TGM2: variants seen among roughly 807,000 people sequenced by gnomAD.
TGM2 encodes transglutaminase 2.
In TGM2, 53 loss-of-function variants were observed where a neutral mutation model predicts 75.6. That is an observed-to-expected ratio of 0.70 (90% CI 0.56 to 0.88). TGM2 has a LOEUF of 0.88. TGM2 is among the 40% of genes least tolerant of loss of function. TGM2 has a pLI of 0.00. For synonymous variants in TGM2, 374 were observed against 381.1 expected (o/e 0.98, Z 0.22); for missense variants, 842 against 928.5 (o/e 0.91, Z 1.21).
chr20:38,137,240 T>C (rs768308077), intron 10 of TGM2, among the ~76,000 whole-genome samples: 1 of 152,170 alleles, frequency 6.6e-6, no homozygotes, highest in East Asian at 1.9e-4. Context: ...ATCCCAGCAC[T>C]TTGGGAGGCC....
chr20:38,155,737 C>T, intron 3 of TGM2, 110 bp downstream of exon 3: 1 of 1,467,598 alleles, frequency 6.8e-7, no homozygotes. Flanking sequence ...ACTCAGTCCA[C>T]TTTGATGTGT....
intron 10 of TGM2, among the ~76,000 whole-genome samples, chr20:38,135,526 A>G (rs759768358): frequency 6.6e-6 from 1 of 150,928 alleles, no homozygotes; most frequent in Non-Finnish European, 1.5e-5. Flanking sequence ...TTGCTGGAGG[A>G]GAGGAATACC....
intron 6 of TGM2, among the ~76,000 whole-genome samples, chr20:38,142,632 C>A (rs1243498460): frequency 6.6e-6 from 1 of 152,222 alleles, no homozygotes; most frequent in Non-Finnish European, 1.5e-5. Context: ...TTGCTTGAAC[C>A]TGGGAGGCGG....
intron 2 of TGM2, among the ~76,000 whole-genome samples, chr20:38,159,012 G>C (rs930998224): frequency 6.6e-6 from 1 of 152,174 alleles, no homozygotes; most frequent in African/African-American, 2.4e-5. Context: ...GCCTACAGGG[G>C]CTGCGGAAGT....
In TGM2 at chr20:38,146,865, C is replaced by A. The variant is rs1485444058; in HGVS notation, c.711G>T (p.Leu237=). The change falls in exon 6 of 13, where the codon CTG becomes CTT. Residue 237 remains leucine, a synonymous_variant. Coordinates refer to ENST00000361475, the MANE Select transcript of TGM2 (RefSeq NM_004613.4). ...CGTAGTTGTTGTCCCAGCGTCCCAG[C>A]AGCACACCCTGGTCATCGTTGCAGT... ...MVNCNDDQGV[L]LGRWDNNYGD... is the part of the protein sequence containing the mutation. The A allele has an allele frequency of 6.2e-7, 1 of 1,613,766 alleles. No individual in the cohort carries two copies. The highest frequency in any genetic ancestry group is 1.3e-5 in the African/African-American group (1 of 74,932).
intron 10 of TGM2, among the ~76,000 whole-genome samples, chr20:38,133,934 A>G (rs1487343681): frequency 1.3e-5 from 2 of 152,162 alleles, no homozygotes; most frequent in African/African-American, 2.4e-5. Context: ...CAAGGGGGAA[A>G]AAAAGAGAGA....
At chr20:38,162,868 T>C (rs2075269821) in intron 1 of TGM2, among the ~76,000 whole-genome samples, 1 of 152,198 alleles carries the variant, frequency 6.6e-6, no homozygotes, top group Admixed American at 6.5e-5. Flanking sequence ...TCTGTCTATT[T>C]TTGTGTATGT....
rs1350744528 is a variant in TGM2, at chr20:38,128,674, T to C, written c.*1545A>G. 1 of 152,204 alleles carries C rather than the reference T, an allele frequency of 6.6e-6. No homozygotes were observed. Among genetic ancestry groups the C allele is most frequent in the Non-Finnish European group, 1.5e-5 (1 of 68,032 alleles). The allele number at this position is 152,204 out of a possible 1,614,324, so 9.4% of individuals were successfully genotyped here. On this transcript the variant is annotated 3_prime_UTR_variant, in exon 13 of 13. Coordinates refer to ENST00000361475, the MANE Select transcript of TGM2 (RefSeq NM_004613.4). ...CAACAGCATGATTCTCTCCAAGTCC[T>C]TCCCTGGGATTTGGGGGGCCCTGGA...
At chr20:38,149,350 T>C (rs1296311563) in intron 4 of TGM2, among the ~76,000 whole-genome samples, 8 of 152,236 alleles carry the variant, frequency 5.3e-5, no homozygotes, top group African/African-American at 1.7e-4. Context: ...GCAAAGGCCA[T>C]GTCCCACAGC....
chr20:38,141,238 T>A, intron 8 of TGM2, 44 bp downstream of exon 8: 1 of 1,493,896 alleles, frequency 6.7e-7, no homozygotes. Flanking sequence ...TCTCCAAGCC[T>A]CGTCTTCCCC....
At chr20:38,158,919 TC>T (rs900213732) in intron 2 of TGM2, among the ~76,000 whole-genome samples, 1 of 152,282 alleles carries the variant, frequency 6.6e-6, no homozygotes, top group Admixed American at 6.5e-5. Context: ...CTCAGGCTTC[TC>T]CGGGCCCCGG....
intron 4 of TGM2, among the ~76,000 whole-genome samples, chr20:38,149,329 C>T (rs952350034): frequency 1.3e-5 from 2 of 152,134 alleles, no homozygotes; most frequent in African/African-American, 2.4e-5. Flanking sequence ...GTGATCACCT[C>T]CAGAAGCTTT....
chr20:38,148,123 G>A (rs773264237), intron 4 of TGM2, 34 bp from the exon 5 acceptor site: 1 of 1,613,304 alleles, frequency 6.2e-7, no homozygotes, highest in Non-Finnish European at 8.5e-7. Flanking sequence ...GAAAGAGGGA[G>A]CTGGGAAGGC....
At chr20:38,153,833 T>G (rs895480511) in intron 3 of TGM2, among the ~76,000 whole-genome samples, 2 of 152,188 alleles carry the variant, frequency 1.3e-5, no homozygotes, top group Non-Finnish European at 2.9e-5. Flanking sequence ...TCCCCTTTTT[T>G]GGAGACAGAG....
chr20:38,149,299 A>G (rs2075085156), intron 4 of TGM2, among the ~76,000 whole-genome samples: 1 of 152,032 alleles, frequency 6.6e-6, no homozygotes, highest in African/African-American at 2.4e-5. Flanking sequence ...TCCTTCCTCT[A>G]GGTCTCATCT....
At chr20:38,164,596 CCT>C (rs2075290483) in intron 1 of TGM2, among the ~76,000 whole-genome samples, 1 of 152,100 alleles carries the variant, frequency 6.6e-6, no homozygotes, top group African/African-American at 2.4e-5. Context: ...TAAACCTTGT[CCT>C]ATAAAATAAG....
At position 38,128,415 on chromosome 20, in the gene TGM2, C is replaced by T. The variant is rs1378370069; in HGVS notation, c.*1804G>A. ...GGGGGTCCAGGTGTGAGCGAGCTCACCTACCCATCTCCCTCCAAACTCATA... is the reference window on the plus strand; with the variant it reads ...GGGGGTCCAGGTGTGAGCGAGCTCATCTACCCATCTCCCTCCAAACTCATA... On this transcript the variant is annotated 3_prime_UTR_variant, in exon 13 of 13. Coordinates refer to ENST00000361475, the MANE Select transcript of TGM2 (RefSeq NM_004613.4). 1 of 152,286 alleles carries T rather than the reference C, an allele frequency of 6.6e-6. No individual in the cohort carries two copies. The allele number at this position is 152,286 out of a possible 1,614,324, so 9.4% of individuals were successfully genotyped here.
At chr20:38,138,059 C>G (rs995453864) in intron 10 of TGM2, 54 bp downstream of exon 10, 2 of 1,534,348 alleles carry the variant, frequency 1.3e-6, no homozygotes, top group Middle Eastern at 1.7e-4. Flanking sequence ...AGGTCACTAC[C>G]TAGCATGTTG....
At chr20:38,149,678 C>CAAA (rs1199376180) in intron 4 of TGM2, among the ~76,000 whole-genome samples, 70 of 40,226 alleles carry the variant, frequency 1.7e-3, no homozygotes, top group East Asian at 0.01. Flanking sequence ...GACTCCGCCT[C>CAAA]AAAAAAAAAA....
Sources: gnomAD v4.1 joint callset for allele counts (sites outside exome capture counted in the v4.1 genomes callset) on GRCh38, gnomAD v4.1.1 for gene constraint, MANE v1.5 for transcripts, NCBI Gene and HGNC (gene_info 2026-07-23, HGNC 2026-07-21) for gene names.